UTRN: variants seen among roughly 807,000 people sequenced by gnomAD.
UTRN encodes utrophin.
Under a neutral mutation model 463.9 loss-of-function variants are expected in UTRN, and 283 were observed. The observed-to-expected ratio is 0.61, with a 90% CI of 0.55 to 0.67. The LOEUF (loss-of-function observed/expected upper bound fraction) is 0.67, where lower values mean the gene tolerates loss of function less well. Ranked by LOEUF, UTRN falls within the 30% of genes least tolerant of loss-of-function variation. UTRN has a pLI of 0.00. For synonymous variants in UTRN, 1,442 were observed against 1,431.5 expected, an observed-to-expected ratio of 1.01 and a Z score of -0.17; for missense variants, 3,922 against 4,084.3, an observed-to-expected ratio of 0.96 and a Z score of 1.08.
chr6:144,453,631 C>A, intron 18 of UTRN, 151 bp from the exon 19 acceptor site: 1 of 542,772 alleles, frequency 1.8e-6, no homozygotes, highest in African/African-American at 1.9e-5. Context: ...CAAAAGAAAC[C>A]AATGCTTTTT....
intron 46 of UTRN, among the ~76,000 whole-genome samples, chr6:144,543,811 A>T (rs9321978): frequency 0.54 from 80,987 of 151,282 alleles, 23,513 homozygotes; most frequent in East Asian, 0.85. Flanking sequence ...CAGACAATAT[A>T]TTTTTTTTCA....
intron 39 of UTRN, among the ~76,000 whole-genome samples, chr6:144,521,249 GCA>G (rs1796064781): frequency 1.3e-5 from 2 of 151,950 alleles, no homozygotes; most frequent in Admixed American, 1.3e-4. Flanking sequence ...TCACAGCACT[GCA>G]CTCCAGCCTG....
chr6:144,660,686 C>T (rs1779786305), intron 51 of UTRN, among the ~76,000 whole-genome samples: 1 of 152,212 alleles, frequency 6.6e-6, no homozygotes, highest in South Asian at 2.1e-4. Flanking sequence ...GTTTATCTGT[C>T]CAGCCACTGC....
chr6:144,461,272 A>G lies in UTRN; in HGVS notation c.2783A>G (p.Asn928Ser). 1 of 1,610,646 alleles carries G rather than the reference A, an allele frequency of 6.2e-7. No homozygotes were observed. The highest frequency in any genetic ancestry group is 8.5e-7 in the Non-Finnish European group (1 of 1,177,882). ...TLKDVLNDSE[N>S]KAQVSLNVLN... is the part of the protein sequence containing the mutation. ...AAAGATGTGCTAAATGATTCAGAAA[A>G]TAAGGCCCAGGTGTCTCTGAATGTC... Residue 928 changes from asparagine to serine, a missense_variant, in exon 22 of 75, where the codon AAT (asparagine) becomes AGT (serine). By Grantham distance (46) the Asn-to-Ser change is conservative. Around this residue, in one of 3 missense-constraint regions of UTRN, gnomAD observed 2,349 missense variants for 2,303.8 expected, o/e 1.02. Transcript: ENST00000367545.
intron 44 of UTRN, among the ~76,000 whole-genome samples, chr6:144,538,728 G>A (rs1450506683): frequency 6.6e-6 from 1 of 152,022 alleles, no homozygotes; most frequent in East Asian, 1.9e-4. Flanking sequence ...AAGCATAAGT[G>A]TGTGTGAAAG....
chr6:144,351,615 A>G (rs1349862682), intron 2 of UTRN, among the ~76,000 whole-genome samples: 1 of 152,252 alleles, frequency 6.6e-6, no homozygotes, highest in African/African-American at 2.4e-5. Context: ...GCAGGCAAGC[A>G]AAGGAAAAGG....
intron 42 of UTRN, among the ~76,000 whole-genome samples, chr6:144,532,327 AG>A (rs1468683154): frequency 1.3e-5 from 2 of 152,182 alleles, no homozygotes; most frequent in Non-Finnish European, 1.5e-5. Flanking sequence ...TAAAGGAAAG[AG>A]GTTTAATTGA....
intron 45 of UTRN, 67 bp downstream of exon 45, chr6:144,539,510 A>T (rs1797813623): frequency 6.8e-7 from 1 of 1,467,860 alleles, no homozygotes; most frequent in Admixed American, 2.4e-5. Flanking sequence ...ATGTGGGATC[A>T]TGTAACTGCT....
chr6:144,786,027 G>T (rs1398081270), intron 61 of UTRN, among the ~76,000 whole-genome samples: 1 of 152,058 alleles, frequency 6.6e-6, no homozygotes, highest in Admixed American at 6.5e-5. Flanking sequence ...TCCAAAGATG[G>T]TATAATTTTA....
At chr6:144,761,457 C>G (rs922574191) in intron 58 of UTRN, among the ~76,000 whole-genome samples, 3 of 151,984 alleles carry the variant, frequency 2.0e-5, no homozygotes, top group Admixed American at 1.3e-4. Context: ...GAGTTCAAGA[C>G]CAGCCTGAGC....
At chr6:144,434,874 G>C (rs1786379075) in intron 9 of UTRN, among the ~76,000 whole-genome samples, 1 of 152,156 alleles carries the variant, frequency 6.6e-6, no homozygotes, top group South Asian at 2.1e-4. Flanking sequence ...AGGAACGTGG[G>C]TGGCCAGCTC....
chr6:144,588,645 G>T (rs759785773), intron 51 of UTRN, among the ~76,000 whole-genome samples: 6 of 152,148 alleles, frequency 3.9e-5, no homozygotes, highest in Non-Finnish European at 8.8e-5. Context: ...AAGGGTTGAT[G>T]ATTTGTGTTT....
At chr6:144,849,828 T>G (rs2128767149) in intron 74 of UTRN, among the ~76,000 whole-genome samples, 1 of 152,296 alleles carries the variant, frequency 6.6e-6, no homozygotes, top group Non-Finnish European at 1.5e-5. Context: ...CCTCTTGGCT[T>G]TATATTTAAC....
At chr6:144,442,248 A>G (rs993108083) in intron 13 of UTRN, among the ~76,000 whole-genome samples, 16 of 152,178 alleles carry the variant, frequency 1.1e-4, no homozygotes, top group African/African-American at 3.9e-4. Context: ...ATAAAACTGA[A>G]TGCCTTTAAC....
At chr6:144,292,215 T>C (rs1052484698) in intron 2 of UTRN, among the ~76,000 whole-genome samples, 4 of 152,222 alleles carry the variant, frequency 2.6e-5, no homozygotes, top group Non-Finnish European at 5.9e-5. Context: ...TTCTATTTTC[T>C]GGAAATTGAA....
chr6:144,696,470 G>A (rs975925741), intron 52 of UTRN, among the ~76,000 whole-genome samples: 1 of 152,120 alleles, frequency 6.6e-6, no homozygotes, highest in Non-Finnish European at 1.5e-5. Context: ...TACTGTATTG[G>A]AATCACGGCT....
intron 73 of UTRN, among the ~76,000 whole-genome samples, chr6:144,845,737 G>A (rs1251308573): frequency 6.6e-6 from 1 of 152,154 alleles, no homozygotes; most frequent in East Asian, 1.9e-4. Flanking sequence ...TGGACACTGT[G>A]GAGGTCCACT....
chr6:144,615,937 C>T (rs2128644996), intron 51 of UTRN, among the ~76,000 whole-genome samples: 1 of 152,250 alleles, frequency 6.6e-6, no homozygotes, highest in South Asian at 2.1e-4. Context: ...CCATTTGTCT[C>T]TCTGACATTT....
chr6:144,511,233 T>TAAACAG, intron 35 of UTRN, 110 bp downstream of exon 35: 1 of 1,088,476 alleles, frequency 9.2e-7, no homozygotes, highest in Non-Finnish European at 1.2e-6. Flanking sequence ...TGTGTCACAG[T>TAAACAG]GATGTTTTGC....
Sources: allele counts gnomAD v4.1 joint callset (sites outside exome capture counted in the v4.1 genomes callset), GRCh38; gene constraint gnomAD v4.1.1; regional missense constraint gnomAD v4.1.1; transcripts MANE v1.5; gene names NCBI Gene and HGNC (gene_info 2026-07-23, HGNC 2026-07-21).